CSMD3: variants seen among roughly 807,000 people sequenced by gnomAD.
CSMD3 encodes CUB and sushi domain-containing protein 3.
A neutral mutation model predicts 435.2 loss-of-function variants in CSMD3; 177 were observed. The ratio of observed to expected loss-of-function variants is 0.41; its 90% confidence interval spans 0.36 to 0.46. The LOEUF (loss-of-function observed/expected upper bound fraction) is 0.46, where lower values mean the gene tolerates loss of function less well. Among genes scored for constraint, CSMD3 ranks in the 20% least tolerant of loss-of-function variants. The pLI is 0.34. For synonymous variants in CSMD3, 1,656 were observed against 1,520.5 expected (o/e 1.09, Z -2.07); for missense variants, 4,265 against 4,504.6 (o/e 0.95, Z 1.52).
At chr8:112,513,700 G>A (rs995676251) in intron 28 of CSMD3, among the ~76,000 whole-genome samples, 10 of 152,236 alleles carry the variant, frequency 6.6e-5, no homozygotes, top group East Asian at 1.9e-4. Flanking sequence ...GTAAAAAAAC[G>A]TAATATCTGT....
At chr8:112,455,519 T>C (rs1816740268) in intron 32 of CSMD3, among the ~76,000 whole-genome samples, 1 of 152,056 alleles carries the variant, frequency 6.6e-6, no homozygotes, top group Non-Finnish European at 1.5e-5. Flanking sequence ...TCAAACTTAA[T>C]ATACTCATGT....
At chr8:112,636,787 A>T (rs2131580027) in intron 22 of CSMD3, 30 bp downstream of exon 22, 2 of 1,587,356 alleles carry the variant, frequency 1.3e-6, no homozygotes, top group Non-Finnish European at 1.7e-6. Flanking sequence ...GACTACACAT[A>T]CAAGCAAATG....
At chr8:112,397,411 C>A (rs1361153239) in intron 35 of CSMD3, among the ~76,000 whole-genome samples, 3 of 152,082 alleles carry the variant, frequency 2.0e-5, no homozygotes, top group Non-Finnish European at 4.4e-5. Context: ...GTGATCTTGG[C>A]AGAAAATACA....
At chr8:112,703,690 G>A (rs1241184134) in intron 13 of CSMD3, among the ~76,000 whole-genome samples, 1 of 152,060 alleles carries the variant, frequency 6.6e-6, no homozygotes, top group Non-Finnish European at 1.5e-5. Context: ...GATTCTTAAT[G>A]TTAAGAAGCC....
intron 2 of CSMD3, among the ~76,000 whole-genome samples, chr8:113,304,032 C>T (rs1208238432): frequency 7.1e-6 from 1 of 141,072 alleles, no homozygotes; most frequent in Non-Finnish European, 1.5e-5. Flanking sequence ...GGGCTAATAT[C>T]CCAGAATCTA....
chr8:112,577,369 A>G (rs950670386), intron 23 of CSMD3, among the ~76,000 whole-genome samples: 1 of 152,110 alleles, frequency 6.6e-6, no homozygotes, highest in African/African-American at 2.4e-5. Context: ...CCTTTTGTTC[A>G]AAAGTAAATA....
intron 22 of CSMD3, among the ~76,000 whole-genome samples, chr8:112,633,755 A>G (rs2074579838): frequency 6.6e-6 from 1 of 152,082 alleles, no homozygotes; most frequent in South Asian, 2.1e-4. Flanking sequence ...TAAAATGTAA[A>G]GTAAGTTTCC....
intron 11 of CSMD3, among the ~76,000 whole-genome samples, chr8:112,838,385 G>A (rs377545280): frequency 4.0e-5 from 6 of 151,730 alleles, no homozygotes; most frequent in African/African-American, 1.4e-4. Context: ...AATGTTGACA[G>A]GGTTATATTT....
At chr8:112,827,206 T>TATATATATATAA (rs1564000450) in intron 12 of CSMD3, among the ~76,000 whole-genome samples, 42 of 132,738 alleles carry the variant, frequency 3.2e-4, no homozygotes, top group African/African-American at 1.2e-3. Context: ...TATATATATA[T>TATATATATATAA]AATCTTTCTA....
chr8:112,534,409 C>A (rs1460407536), intron 27 of CSMD3, among the ~76,000 whole-genome samples: 1 of 152,058 alleles, frequency 6.6e-6, no homozygotes, highest in Non-Finnish European at 1.5e-5. Flanking sequence ...AATAAACTAG[C>A]AAATAAACTA....
chr8:113,382,207 CGTT>C (rs1563766540), intron 1 of CSMD3, among the ~76,000 whole-genome samples: 2 of 152,026 alleles, frequency 1.3e-5, no homozygotes, highest in East Asian at 1.9e-4. Context: ...TCTTTAAAAA[CGTT>C]GTGCTTACTA....
chr8:112,773,544 A>AGACAACAGTG (rs1486324627), intron 13 of CSMD3, among the ~76,000 whole-genome samples: 1 of 152,082 alleles, frequency 6.6e-6, no homozygotes, highest in Non-Finnish European at 1.5e-5. Context: ...ATGTACAGCA[A>AGACAACAGTG]GACAACAGTG....
chr8:112,995,790 G>C lies in CSMD3; in HGVS notation c.1031-19642C>G, dbSNP rs115969033. Among the ~76,000 whole-genome samples, 1,007 of 151,436 alleles carry C rather than the reference G, an allele frequency of 6.6e-3. 12 individuals are homozygous for C. Among genetic ancestry groups the C allele is most frequent in the African/African-American group, 0.023 (966 of 41,438 alleles). ...CCTGCAAAATGCAATATAATTGTTC[G>C]TTGAATTTTCTCATATCTGGCTGAA... On this transcript the variant is annotated intron_variant, in intron 6 of 70. Coordinates refer to ENST00000297405, the MANE Select transcript of CSMD3 (RefSeq NM_198123.2).
intron 2 of CSMD3, among the ~76,000 whole-genome samples, chr8:113,306,138 G>C (rs1176730976): frequency 6.6e-6 from 1 of 151,952 alleles, no homozygotes. Context: ...TATTTATTGA[G>C]AAATAATAAA....
chr8:113,333,469 G>T (rs1319819944), intron 1 of CSMD3, among the ~76,000 whole-genome samples: 1 of 151,736 alleles, frequency 6.6e-6, no homozygotes, highest in Non-Finnish European at 1.5e-5. Flanking sequence ...TCAGACTTAG[G>T]TCAACATTAA....
At chr8:113,063,323 T>A (rs929816638) in intron 5 of CSMD3, among the ~76,000 whole-genome samples, 1 of 151,882 alleles carries the variant, frequency 6.6e-6, no homozygotes, top group Non-Finnish European at 1.5e-5. Flanking sequence ...AATATTGTCA[T>A]TGCTGTGTCA....
chr8:112,909,588 G>C (rs2082352556), intron 10 of CSMD3, among the ~76,000 whole-genome samples: 1 of 151,556 alleles, frequency 6.6e-6, no homozygotes, highest in Non-Finnish European at 1.5e-5. Context: ...AGGCATATTT[G>C]GTTATTTAAT....
At chr8:113,303,458 A>G (rs933127382) in intron 2 of CSMD3, among the ~76,000 whole-genome samples, 4 of 152,026 alleles carry the variant, frequency 2.6e-5, no homozygotes, top group African/African-American at 9.7e-5. Flanking sequence ...CACCAAGTCA[A>G]TCATAAGCCA....
At chr8:112,668,739 A>G (rs1007119201) in intron 16 of CSMD3, among the ~76,000 whole-genome samples, 1 of 152,014 alleles carries the variant, frequency 6.6e-6, no homozygotes, top group Admixed American at 6.6e-5. Context: ...AAGTATAGGA[A>G]CCAACTTTCT....
Sources: gnomAD v4.1 joint callset for allele counts (sites outside exome capture counted in the v4.1 genomes callset) on GRCh38, gnomAD v4.1.1 for gene constraint, MANE v1.5 for transcripts, NCBI Gene and HGNC (gene_info 2026-07-23, HGNC 2026-07-21) for gene names.